ODAD2: variants seen among roughly 807,000 people sequenced by gnomAD.
The protein encoded by ODAD2 is outer dynein arm docking complex subunit 2, also known as outer dynein arm-docking complex subunit 2.
In ODAD2, 89 loss-of-function variants were observed where a neutral mutation model predicts 106.8. The ratio of observed to expected loss-of-function variants is 0.83; its 90% confidence interval spans 0.70 to 0.99. The LOEUF (loss-of-function observed/expected upper bound fraction) is 0.99, where lower values mean the gene tolerates loss of function less well. Among genes scored for constraint, ODAD2 ranks in the 50% least tolerant of loss-of-function variants. The pLI is 0.00. For synonymous variants in ODAD2, 404 were observed against 436.2 expected, an observed-to-expected ratio of 0.93 and a Z score of 0.92; for missense variants, 1,168 against 1,238.5, an observed-to-expected ratio of 0.94 and a Z score of 0.85.
rs992383188 is a variant in ODAD2 at position 27,936,206 on chromosome 10, T to G, written c.2252+520A>C. ...GTAATCTCTCAAAAATAGGAAGAGA[T>G]AGATTTGAAAATTAAAATAAATCAA... On this transcript the variant is annotated intron_variant, in intron 15 of 19. Transcript: ENST00000305242. Among the ~76,000 whole-genome samples, 6 of 152,196 alleles carry G rather than the reference T, an allele frequency of 3.9e-5. No homozygotes were observed. In the East Asian group the frequency reaches 9.6e-4, roughly 24 times the overall value.
intron 19 of ODAD2, among the ~76,000 whole-genome samples, chr10:27,851,566 A>G (rs1839267008): frequency 1.3e-5 from 2 of 152,054 alleles, no homozygotes; most frequent in South Asian, 4.1e-4. Flanking sequence ...GATGGCAATA[A>G]AGGCAAATTA....
intron 1 of ODAD2, among the ~76,000 whole-genome samples, chr10:27,998,450 T>G (rs963423000): frequency 1.3e-5 from 2 of 149,698 alleles, no homozygotes; most frequent in African/African-American, 2.4e-5. Flanking sequence ...GAGGCAGAGC[T>G]GCAAAGGGCG....
intron 19 of ODAD2, among the ~76,000 whole-genome samples, chr10:27,853,628 C>T (rs1210512292): frequency 8.5e-5 from 13 of 152,118 alleles, no homozygotes; most frequent in African/African-American, 2.9e-4. Flanking sequence ...GCCACTCTGC[C>T]TGGTCCAGTT....
At chr10:27,857,331 C>A (rs754318548) in intron 19 of ODAD2, among the ~76,000 whole-genome samples, 10 of 152,104 alleles carry the variant, frequency 6.6e-5, no homozygotes, top group African/African-American at 2.4e-4. Context: ...ATATAACATA[C>A]GAAATATGTA....
At chr10:27,858,959 A>T (rs141761522) in intron 19 of ODAD2, among the ~76,000 whole-genome samples, 65 of 152,184 alleles carry the variant, frequency 4.3e-4, no homozygotes, top group African/African-American at 1.5e-3. Context: ...GCATGCCTAT[A>T]CATTTTTAAA....
chr10:27,852,991 C>A (rs1468492579), intron 19 of ODAD2, among the ~76,000 whole-genome samples: 2 of 149,332 alleles, frequency 1.3e-5, no homozygotes, highest in African/African-American at 4.9e-5. Flanking sequence ...GAAAAGCTAA[C>A]CGTGTCAATA....
At chr10:27,894,301 T>C (rs908543594) in intron 17 of ODAD2, among the ~76,000 whole-genome samples, 20 of 152,054 alleles carry the variant, frequency 1.3e-4, no homozygotes, top group African/African-American at 4.6e-4. Context: ...GTGATATAAA[T>C]ACAACATGAG....
chr10:27,922,912 CA>C (rs1844895191), intron 16 of ODAD2, among the ~76,000 whole-genome samples: 1 of 151,188 alleles, frequency 6.6e-6, no homozygotes, highest in Admixed American at 6.6e-5. Flanking sequence ...TCTCAAAAAA[CA>C]AAAACAAAAT....
chr10:27,974,897 G>C (rs1849095073), intron 7 of ODAD2, among the ~76,000 whole-genome samples: 1 of 152,080 alleles, frequency 6.6e-6, no homozygotes, highest in African/African-American at 2.4e-5. Flanking sequence ...CCATTTGTTT[G>C]TGTCATCTCT....
chr10:27,963,663 T>C (rs1218683574), intron 9 of ODAD2, among the ~76,000 whole-genome samples: 4 of 147,666 alleles, frequency 2.7e-5, no homozygotes, highest in Non-Finnish European at 4.4e-5. Context: ...TGGTCTTAAT[T>C]CCTCTCATTC....
At chr10:27,917,935 A>G (rs1273819556) in intron 16 of ODAD2, among the ~76,000 whole-genome samples, 1 of 151,958 alleles carries the variant, frequency 6.6e-6, no homozygotes, top group African/African-American at 2.4e-5. Context: ...AATAAAATGA[A>G]CATATTTCCA....
intron 16 of ODAD2, among the ~76,000 whole-genome samples, chr10:27,908,360 G>A (rs7907500): frequency 1.3e-5 from 2 of 151,784 alleles, no homozygotes; most frequent in South Asian, 4.1e-4. Flanking sequence ...ATTACTTAAA[G>A]ACACTGTAAT....
intron 9 of ODAD2, among the ~76,000 whole-genome samples, chr10:27,966,455 G>A (rs140009630): frequency 2.6e-4 from 39 of 152,144 alleles, no homozygotes; most frequent in African/African-American, 8.7e-4. Flanking sequence ...AAAAAGCAGC[G>A]CCCCAAAGAA....
At chr10:27,842,361 G>T (rs1208545276) in intron 19 of ODAD2, among the ~76,000 whole-genome samples, 2 of 152,128 alleles carry the variant, frequency 1.3e-5, no homozygotes, top group Non-Finnish European at 2.9e-5. Context: ...TTTGAAAAAA[G>T]GGTGCCCTTG....
chr10:27,984,216 T>G lies in ODAD2; in HGVS notation c.650A>C (p.Gln217Pro), dbSNP rs1340567058. The G allele has an allele frequency of 2.5e-6, 4 of 1,613,662 alleles. No homozygotes were observed. The African/African-American group carries it at 5.3e-5, about 22-fold the overall frequency. ...LLKRFSGKGN[Q>P]TVLESIEYTS... ...ATATTCAATAGATTCCAAGACTGTT[T>G]GGTTTCCTTTTCCTGAGAAACGTTT... The change falls in exon 5 of 20, where the codon CAA (glutamine) becomes CCA (proline). Residue 217 changes from glutamine (Q) to proline (P), a missense_variant. This residue lies in a region of ODAD2 where 430 missense variants were observed against 452.2 expected (regional missense o/e 0.95). Coordinates refer to ENST00000305242, the MANE Select transcript of ODAD2 (RefSeq NM_018076.5).
chr10:27,879,435 G>C (rs1841561168), intron 17 of ODAD2, among the ~76,000 whole-genome samples: 1 of 151,486 alleles, frequency 6.6e-6, no homozygotes, highest in Middle Eastern at 3.5e-3. Context: ...AGGAATATAT[G>C]TATATATTAA....
intron 13 of ODAD2, among the ~76,000 whole-genome samples, chr10:27,940,211 T>C (rs1302393098): frequency 2.6e-5 from 4 of 151,788 alleles, no homozygotes; most frequent in Non-Finnish European, 4.4e-5. Flanking sequence ...ATATAGTGTA[T>C]AGATATATAT....
rs926190823 is a variant in ODAD2 at position 27,940,792 on chromosome 10, T to C, written c.1757A>G (p.Asp586Gly). 2 of 1,613,906 alleles carry C rather than the reference T, an allele frequency of 1.2e-6. No homozygotes were observed. The highest frequency in any genetic ancestry group is 3.3e-5 in the Admixed American group (2 of 60,018). ...AGGTTTTGTGGAATCATGTGCACAG[T>C]CTAGTAGAGCAACCTATAATAATAG... ...GGITKLVALLDCAHDSTKPAQ... is the reference protein window; with the variant it reads ...GGITKLVALLGCAHDSTKPAQ... Residue 586 changes from aspartate to glycine, a missense_variant, in exon 13 of 20, where the codon GAC (aspartate) becomes GGC (glycine). Asp to Gly is a moderately conservative substitution (Grantham distance 94, BLOSUM62 -1). Transcript: ENST00000305242.
intron 8 of ODAD2, among the ~76,000 whole-genome samples, chr10:27,969,478 T>C (rs1435014181): frequency 1.3e-5 from 2 of 152,312 alleles, no homozygotes; most frequent in Non-Finnish European, 2.9e-5. Context: ...AGTAAGAATA[T>C]GGAAAAAGCA....
Sources: allele counts gnomAD v4.1 joint callset (sites outside exome capture counted in the v4.1 genomes callset), GRCh38; gene constraint gnomAD v4.1.1; regional missense constraint gnomAD v4.1.1; transcripts MANE v1.5; gene names NCBI Gene and HGNC (gene_info 2026-07-23, HGNC 2026-07-21).